The following SYNE1 variants were observed in gnomAD, a reference collection of about 807,000 sequenced individuals.
SYNE1 encodes spectrin repeat containing nuclear envelope protein 1.
Under a neutral mutation model 1,111.0 loss-of-function variants are expected in SYNE1, and 616 were observed. The observed-to-expected ratio is 0.55, with a 90% confidence interval of 0.52 to 0.59. The LOEUF is 0.59. Ranked by LOEUF, SYNE1 falls within the 20% of genes least tolerant of loss-of-function variation. SYNE1 has a pLI of 0.00. For missense variants in SYNE1, 10,006 were observed against 10,417.0 expected, an observed-to-expected ratio of 0.96 and a Z score of 1.72; for synonymous variants, 3,855 against 3,825.8, an observed-to-expected ratio of 1.01 and a Z score of -0.28.
At chr6:152,451,833 AG>A (rs1212014917) in intron 25 of SYNE1, among the ~76,000 whole-genome samples, 1 of 152,064 alleles carries the variant, frequency 6.6e-6, no homozygotes, top group East Asian at 1.9e-4. Context: ...ATTAAGTCTC[AG>A]GGGTAAGTAC....
chr6:152,213,896 A>G (rs2078036354), intron 122 of SYNE1, 137 bp from the exon 123 acceptor site: 3 of 1,299,530 alleles, frequency 2.3e-6, no homozygotes, highest in Non-Finnish European at 3.2e-6. Flanking sequence ...AGGTGGTAAA[A>G]TTATTTTAAA....
At chr6:152,525,975 A>G (rs1380918607) in intron 5 of SYNE1, 105 bp downstream of exon 5, 10 of 1,010,764 alleles carry the variant, frequency 9.9e-6, no homozygotes, top group Non-Finnish European at 1.5e-5. Flanking sequence ...ACGACAAATA[A>G]CTTTCTTTTA....
chr6:152,441,033 TAAC>T, intron 32 of SYNE1, 94 bp downstream of exon 32: 1 of 1,445,538 alleles, frequency 6.9e-7, no homozygotes, highest in Non-Finnish European at 9.6e-7. Flanking sequence ...TTGATTAAAT[TAAC>T]AATAACAATT....
In SYNE1 at chr6:152,409,233, A is replaced by G. The variant is rs2097963557; in HGVS notation, c.6382-7T>C. 1 of 1,613,490 alleles carries G rather than the reference A, an allele frequency of 6.2e-7. No individual in the cohort carries two copies. The highest frequency in any genetic ancestry group is 2.2e-5 in the East Asian group (1 of 44,850). On this transcript the variant is annotated splice_polypyrimidine_tract_variant and splice_region_variant and intron_variant, in intron 43 of 145. Transcript: ENST00000367255. ...TGTTCTTGGCAGTTTCATGCTGTGGATAAATGATTTCTTAATTAATAAAAT... is the reference window on the plus strand; with the variant it reads ...TGTTCTTGGCAGTTTCATGCTGTGGGTAAATGATTTCTTAATTAATAAAAT...
At chr6:152,481,366 T>C (rs2098896939) in intron 14 of SYNE1, among the ~76,000 whole-genome samples, 1 of 152,194 alleles carries the variant, frequency 6.6e-6, no homozygotes, top group Non-Finnish European at 1.5e-5. Flanking sequence ...AATTAACGTA[T>C]TTAATTCTCA....
intron 32 of SYNE1, 61 bp from the exon 33 acceptor site, chr6:152,436,162 T>A: frequency 6.4e-7 from 1 of 1,572,104 alleles, no homozygotes; most frequent in Middle Eastern, 1.8e-4. Flanking sequence ...TGCCCTCAAA[T>A]AAAGTGCACA....
chr6:152,206,128 A>T (rs1371268880), intron 126 of SYNE1, 40 bp downstream of exon 126: 1 of 1,596,976 alleles, frequency 6.3e-7, no homozygotes, highest in Non-Finnish European at 8.6e-7. Context: ...TACAACGACT[A>T]AAAGGGTTTT....
Position 152,430,545 on chromosome 6 carries a change from A to G in SYNE1, c.4626T>C (p.Cys1542=). The change falls in exon 35 of 146, where the codon TGT becomes TGC. Residue 1542 remains cysteine, a synonymous_variant. Coordinates refer to ENST00000367255, the MANE Select transcript of SYNE1 (RefSeq NM_182961.4). ...AATGTCCCAGGATTGTTCCTTCCAG[A>G]CACTGTGCATGCTCTCGAAGCTCTT... The part of the protein sequence containing the change: ...YGEELREHAQ[C]LEGTILGHLS... The G allele has an allele frequency of 6.2e-7, 1 of 1,614,088 alleles. No homozygotes were observed. The highest frequency in any genetic ancestry group is 1.7e-5 in the Admixed American group (1 of 60,000).
chr6:152,405,774 T>C (rs2097889727), intron 45 of SYNE1, among the ~76,000 whole-genome samples: 1 of 152,196 alleles, frequency 6.6e-6, no homozygotes, highest in South Asian at 2.1e-4. Context: ...CCTGTACTTT[T>C]AGTCTGGATA....
At chr6:152,387,018 A>G in intron 54 of SYNE1, 54 bp downstream of exon 54, 1 of 1,411,966 alleles carries the variant, frequency 7.1e-7, no homozygotes, top group South Asian at 1.4e-5. Flanking sequence ...AATATAAATC[A>G]ATATATTGTA....
intron 64 of SYNE1, among the ~76,000 whole-genome samples, chr6:152,361,842 T>C (rs1438093992): frequency 1.0e-5 from 1 of 100,056 alleles, no homozygotes; most frequent in Non-Finnish European, 2.2e-5. Context: ...CAAAGGGATG[T>C]GATAAAAAAA....
chr6:152,362,510 A>C (rs1332350606), intron 63 of SYNE1, among the ~76,000 whole-genome samples, 187 bp from the exon 64 acceptor site: 1 of 152,138 alleles, frequency 6.6e-6, no homozygotes, highest in Non-Finnish European at 1.5e-5. Context: ...CAGCCTCAGG[A>C]AGCAAGGAAC....
intron 61 of SYNE1, chr6:152,368,602 G>A (rs931744440): frequency 4.7e-6 from 1 of 212,694 alleles, no homozygotes; most frequent in African/African-American, 2.3e-5. Context: ...GGATTATTTA[G>A]AACAAAAACT....
At chr6:152,433,981 A>G (rs772260160) in intron 33 of SYNE1, 36 bp from the exon 34 acceptor site, 3 of 1,541,378 alleles carry the variant, frequency 1.9e-6, no homozygotes, top group South Asian at 2.3e-5. Flanking sequence ...AAAACTCAGT[A>G]TTTTAATAGA....
chr6:152,575,337 G>A (rs542012535), intron 3 of SYNE1, among the ~76,000 whole-genome samples: 6 of 152,226 alleles, frequency 3.9e-5, no homozygotes, highest in Non-Finnish European at 5.9e-5. Flanking sequence ...TTTCATGGAC[G>A]AATGACATCA....
chr6:152,328,385 TTTA>T (rs1390628904), intron 78 of SYNE1, among the ~76,000 whole-genome samples: 45 of 32,304 alleles, frequency 1.4e-3, no homozygotes, highest in East Asian at 7.8e-3. Context: ...TTTTATTTTA[TTTA>T]TTTATTTATT....
Position 152,430,699 on chromosome 6 carries a change from T to C in SYNE1, c.4472A>G (p.Gln1491Arg). 1 of 1,614,000 alleles carries C rather than the reference T, an allele frequency of 6.2e-7. No homozygotes were observed. Among genetic ancestry groups the C allele is most frequent in the South Asian group, 1.1e-5 (1 of 91,086 alleles). ...GCTGCTGAGCTTACTTTCTATTTCC[T>C]GAATTGTGACCTAATAGTTAAAACA... ...MQISQIKVTI[Q>R]EIESKLSSIV... The change falls in exon 35 of 146, where the codon CAG (glutamine) becomes CGG (arginine). Residue 1491 changes from glutamine (Q) to arginine (R), a missense_variant. Gln to Arg is a conservative substitution (Grantham distance 43). Around this residue, in one of 7 missense-constraint regions of SYNE1, gnomAD observed 1,971 missense variants for 2,084.1 expected, o/e 0.95. Coordinates refer to ENST00000367255, the MANE Select transcript of SYNE1 (RefSeq NM_182961.4).
chr6:152,275,453 C>T (rs1424119046), intron 98 of SYNE1, among the ~76,000 whole-genome samples: 2 of 152,136 alleles, frequency 1.3e-5, no homozygotes. Context: ...ATTTGTAATG[C>T]CACCTAAAAT....
chr6:152,597,929 G>A (rs370984001), intron 3 of SYNE1, among the ~76,000 whole-genome samples: 43 of 152,060 alleles, frequency 2.8e-4, no homozygotes, highest in African/African-American at 1.0e-3. Context: ...TCTAAGACTA[G>A]GAATTGATCC....
Sources: gnomAD v4.1 joint callset for allele counts (sites outside exome capture counted in the v4.1 genomes callset) on GRCh38, gnomAD v4.1.1 for gene constraint, gnomAD v4.1.1 regional missense constraint, MANE v1.5 for transcripts, NCBI Gene and HGNC (gene_info 2026-07-23, HGNC 2026-07-21) for gene names.